The following DRC1 variants were observed in gnomAD, a reference collection of about 807,000 sequenced individuals.
DRC1 encodes dynein regulatory complex protein 1.
A neutral mutation model predicts 98.7 loss-of-function variants in DRC1; 74 were observed. The ratio of observed to expected loss-of-function variants is 0.75; its 90% CI spans 0.62 to 0.91. The LOEUF (loss-of-function observed/expected upper bound fraction) is 0.91. Ranked by LOEUF, DRC1 falls within the 40% of genes least tolerant of loss-of-function variation. The probability of loss-of-function intolerance (pLI) is 0.00; values close to 1 mark genes in which losing one functional copy is unlikely to be tolerated. For missense variants in DRC1, 875 were observed against 886.0 expected, an observed-to-expected ratio of 0.99 and a Z score of 0.16; for synonymous variants, 336 against 334.1, an observed-to-expected ratio of 1.01 and a Z score of -0.06.
intron 7 of DRC1, among the ~76,000 whole-genome samples, chr2:26,435,053 G>A (rs1663536104): frequency 6.6e-6 from 1 of 152,158 alleles, no homozygotes; most frequent in Non-Finnish European, 1.5e-5. Context: ...TGGTAAATAG[G>A]CCCAGTGGGG....
chr2:26,442,037 A>G (rs1324081382), intron 8 of DRC1, among the ~76,000 whole-genome samples: 1 of 152,240 alleles, frequency 6.6e-6, no homozygotes, highest in Non-Finnish European at 1.5e-5. Context: ...TGGGAAGGCC[A>G]AGATCAAGGC....
intron 2 of DRC1, among the ~76,000 whole-genome samples, chr2:26,419,246 T>C (rs1431228498): frequency 2.6e-5 from 4 of 152,194 alleles, no homozygotes; most frequent in Admixed American, 6.5e-5. Flanking sequence ...TTTAGACATA[T>C]GGTATGTGGA....
chr2:26,408,271 G>A (rs1323876975), intron 1 of DRC1, among the ~76,000 whole-genome samples: 1 of 151,998 alleles, frequency 6.6e-6, no homozygotes, highest in Non-Finnish European at 1.5e-5. Context: ...GAGGATCTAG[G>A]GCTTGGGGGA....
intron 1 of DRC1, among the ~76,000 whole-genome samples, chr2:26,411,601 A>T (rs1312432243): frequency 1.3e-5 from 2 of 152,206 alleles, no homozygotes; most frequent in African/African-American, 4.8e-5. Flanking sequence ...GCATATCTGC[A>T]GACTGGCCAA....
intron 8 of DRC1, 23 bp from the exon 9 acceptor site, chr2:26,444,199 T>C: frequency 1.2e-6 from 2 of 1,613,880 alleles, no homozygotes; most frequent in Non-Finnish European, 1.7e-6. Context: ...AGCTGCAGAC[T>C]AACCTTTTTC....
chr2:26,402,264 G>T (rs1435130355), intron 1 of DRC1, 120 bp downstream of exon 1: 9 of 1,402,434 alleles, frequency 6.4e-6, no homozygotes, highest in Non-Finnish European at 8.4e-6. Context: ...AAAGTAAAAC[G>T]CTGGGCCGGT....
chr2:26,442,410 G>A (rs1663741108), intron 8 of DRC1, among the ~76,000 whole-genome samples: 1 of 152,064 alleles, frequency 6.6e-6, no homozygotes, highest in African/African-American at 2.4e-5. Context: ...ATTGGATACT[G>A]GATTTTCTTC....
At chr2:26,429,039 T>G (rs1384068519) in intron 4 of DRC1, among the ~76,000 whole-genome samples, 1 of 152,004 alleles carries the variant, frequency 6.6e-6, no homozygotes, top group Non-Finnish European at 1.5e-5. Flanking sequence ...TGCAGGGAGA[T>G]TTGCAGCAGG....
chr2:26,413,806 A>G (rs910847898), intron 1 of DRC1, among the ~76,000 whole-genome samples: 2 of 152,078 alleles, frequency 1.3e-5, no homozygotes, highest in Non-Finnish European at 2.9e-5. Flanking sequence ...AAATCTTTTA[A>G]TCTTTTTATT....
intron 2 of DRC1, among the ~76,000 whole-genome samples, chr2:26,419,886 C>T (rs779137370): frequency 6.6e-6 from 1 of 152,196 alleles, no homozygotes. Context: ...TACAAAATCC[C>T]TGAGCCCATT....
In DRC1 at chr2:26,414,570, G is replaced by C. The variant is rs532198075; in HGVS notation, c.243+139G>C. On this transcript the variant is annotated intron_variant, in intron 2 of 16. Coordinates refer to ENST00000288710, the MANE Select transcript of DRC1 (RefSeq NM_145038.5). ...GAACTGAATAGAATCTTTCCCATTT[G>C]AGAGCTCTCTAGGAGTGAGCTTTCA... The C allele has an allele frequency of 1.2e-4, 91 of 731,766 alleles. No homozygotes were observed. The African/African-American group carries it at 1.4e-3, about 11-fold the overall frequency. 45.3% of individuals were successfully genotyped at this position (731,766 alleles called of 1,614,324 possible).
Position 26,421,358 on chromosome 2 carries a change from A to G in DRC1, c.314A>G (p.Glu105Gly), listed in dbSNP as rs767947875. The change falls in exon 3 of 17, where the codon GAG becomes GGG. Residue 105 changes from glutamate to glycine, a missense_variant. Physicochemically the swap from Glu to Gly is moderately conservative, Grantham distance 98 (BLOSUM62 -2). Transcript: ENST00000288710. ...TNIQVAIDIR[E>G]IHRRVEEEEI... Reference sequence around the variant, plus strand: ...ATCCAGGTGGCTATAGATATCAGAGAGATTCACAGGAGAGTCGAAGAAGAG... The same window carrying G: ...ATCCAGGTGGCTATAGATATCAGAGGGATTCACAGGAGAGTCGAAGAAGAG... 1 of 1,613,572 alleles carries G rather than the reference A, an allele frequency of 6.2e-7. No individual in the cohort carries two copies. Among genetic ancestry groups the G allele is most frequent in the South Asian group, 1.1e-5 (1 of 91,070 alleles).
chr2:26,405,069 G>T (rs758036624), intron 1 of DRC1, among the ~76,000 whole-genome samples: 1 of 152,140 alleles, frequency 6.6e-6, no homozygotes, highest in South Asian at 2.1e-4. Flanking sequence ...TCCTTGTGGG[G>T]ACCCTGCTGC....
In DRC1 at chr2:26,448,778, T is replaced by A. The variant is rs144606400; in HGVS notation, c.1484T>A (p.Ile495Asn). The A allele has an allele frequency of 5.0e-6, 8 of 1,614,038 alleles. No individual in the cohort carries two copies. In the African/African-American group the frequency reaches 8.0e-5, roughly 16 times the overall value. Residue 495 changes from isoleucine (I) to asparagine (N), a missense_variant, in exon 11 of 17, where the codon ATC becomes AAC. By Grantham distance (149) the Ile-to-Asn change is moderately radical. Transcript: ENST00000288710. ...ATTTCTGAAAAAACTACCAAGAGGATCCTGATGCTCCTGTGTGACGAGTCG... is the reference window on the plus strand; with the variant it reads ...ATTTCTGAAAAAACTACCAAGAGGAACCTGATGCTCCTGTGTGACGAGTCG... The part of the protein sequence containing the change: ...KQISEKTTKR[I>N]LMLLCDESGF...
chr2:26,430,204 G>C (rs1479808894), intron 5 of DRC1, among the ~76,000 whole-genome samples: 2 of 152,138 alleles, frequency 1.3e-5, no homozygotes, highest in African/African-American at 4.8e-5. Context: ...AAGGCAATTG[G>C]GGCAGACAGT....
At chr2:26,405,404 G>T (rs1242421157) in intron 1 of DRC1, among the ~76,000 whole-genome samples, 1 of 151,794 alleles carries the variant, frequency 6.6e-6, no homozygotes, top group Non-Finnish European at 1.5e-5. Flanking sequence ...GAGGGAGATG[G>T]GAAAAAATAA....
chr2:26,421,453 T>G (rs1663139547), intron 3 of DRC1, 53 bp downstream of exon 3: 5 of 1,485,034 alleles, frequency 3.4e-6, no homozygotes, highest in Non-Finnish European at 4.6e-6. Flanking sequence ...TCTCCATGGG[T>G]CCGGCAGTTC....
rs772837225 is a variant in DRC1, at chr2:26,424,391, C to A, written c.477C>A (p.Thr159=). The change falls in exon 4 of 17, where the codon ACC becomes ACA. Residue 159 remains threonine (T), a synonymous_variant. Coordinates refer to ENST00000288710, the MANE Select transcript of DRC1 (RefSeq NM_145038.5). ...IPQELWEMLN[T]QQLHCAGLLE... ...AAGAGCTGTGGGAAATGCTCAATAC[C>A]CAACAGCTGCACTGTGCTGGACTCT... 6.2e-7 allele frequency: 1 copy of A among 1,613,804 alleles called. No homozygotes were observed.
Position 26,402,150 on chromosome 2 carries a change from C to A in DRC1, c.155+6C>A. 6.3e-7 allele frequency: 1 copy of A among 1,590,652 alleles called. No homozygotes were observed. Among genetic ancestry groups the A allele is most frequent in the Non-Finnish European group, 8.5e-7 (1 of 1,170,948 alleles). Reference sequence around the variant, plus strand: ...CGCTTAGAAGCCCGGAGGCGGTGAGCGCGGGGGCGGGCGGGGCGGGATCCG... The same window carrying A: ...CGCTTAGAAGCCCGGAGGCGGTGAGAGCGGGGGCGGGCGGGGCGGGATCCG... On this transcript the variant is annotated splice_donor_region_variant and intron_variant, in intron 1 of 16. Transcript: ENST00000288710.
Sources: gnomAD v4.1 joint callset for allele counts (sites outside exome capture counted in the v4.1 genomes callset) on GRCh38, gnomAD v4.1.1 for gene constraint, MANE v1.5 for transcripts, NCBI Gene and HGNC (gene_info 2026-07-23, HGNC 2026-07-21) for gene names.